Variants in HERC1 observed in about 807,000 individuals in gnomAD.
HERC1 encodes probable E3 ubiquitin-protein ligase HERC1.
HERC1 carries 160 observed loss-of-function variants against 554.3 expected under a neutral mutation model. That is an observed-to-expected ratio of 0.29 (90% confidence interval 0.25 to 0.33). The LOEUF is 0.33. HERC1 is among the 10% of genes least tolerant of loss of function. HERC1 has a pLI of 1.00. For synonymous variants in HERC1, 2,175 were observed against 2,131.7 expected, an observed-to-expected ratio of 1.02 and a Z score of -0.56; for missense variants, 4,919 against 5,918.5, an observed-to-expected ratio of 0.83 and a Z score of 5.54.
intron 36 of HERC1, among the ~76,000 whole-genome samples, chr15:63,678,925 G>C (rs751232028): frequency 6.6e-6 from 1 of 152,092 alleles, no homozygotes; most frequent in African/African-American, 2.4e-5. Flanking sequence ...ACTAATAATA[G>C]CATCTGTCTC....
chr15:63,774,758 C>T lies in HERC1; in HGVS notation c.866G>A (p.Ser289Asn), dbSNP rs1264762849. The T allele has an allele frequency of 6.2e-7, 1 of 1,613,960 alleles. No homozygotes were observed. The highest frequency in any genetic ancestry group is 1.3e-5 in the African/African-American group (1 of 75,046). ...GTCAAAGCTGATCATTCCTTCCTGG[C>T]TTGAGAGTAGTTTGCCTTTCTCCAT... is the stretch of plus-strand genomic sequence containing the variant. Reference protein sequence around the residue: ...HTMEKGKLLSSQEGMISFDCF... With the variant: ...HTMEKGKLLSNQEGMISFDCF... The change falls in exon 2 of 78, where the codon AGC becomes AAC. Residue 289 changes from serine to asparagine, a missense_variant. Transcript: ENST00000443617.
intron 74 of HERC1, 94 bp from the exon 75 acceptor site, chr15:63,616,776 T>C: frequency 1.8e-6 from 2 of 1,094,984 alleles, no homozygotes; most frequent in Non-Finnish European, 2.7e-6. Context: ...TCTATACCTG[T>C]ACTGTTCAAT....
rs1008671202 is a variant in HERC1, at chr15:63,651,290, G to A, written c.10509C>T (p.Gly3503=). ...SWSISGKYLA[G]ALEKMVNIWQ... ...AGATATTCACCATCTTTTCCAAAGC[G>A]CCTGCTAGATATTTGCCACTGATAC... Residue 3503 remains glycine (G), a synonymous_variant, in exon 53 of 78, where the codon GGC becomes GGT. Coordinates refer to ENST00000443617, the MANE Select transcript of HERC1 (RefSeq NM_003922.4). The A allele has an allele frequency of 2.9e-5, 47 of 1,613,614 alleles. No homozygotes were observed. Among genetic ancestry groups the A allele is most frequent in the Non-Finnish European group, 3.3e-5 (39 of 1,179,720 alleles).
Position 63,674,939 on chromosome 15 carries a change from T to C in HERC1, c.7249A>G (p.Lys2417Glu), listed in dbSNP as rs1595944784. Residue 2417 changes from lysine to glutamate, a missense_variant, in exon 38 of 78, where the codon AAA becomes GAA. Transcript: ENST00000443617. ...TTCTCCTCGGATTCATGTCGGTGTT[T>C]CTTTTCATGTCGTTTGGTGCTCTGT... is the stretch of plus-strand genomic sequence containing the variant. Reference protein sequence around the residue: ...GKQSTKRHEKKHRHESEEKGD... With the variant: ...GKQSTKRHEKEHRHESEEKGD... The C allele has an allele frequency of 1.2e-6, 2 of 1,614,058 alleles. No individual in the cohort carries two copies. The highest frequency in any genetic ancestry group is 4.5e-5 in the East Asian group (2 of 44,892).
chr15:63,628,760 T>C lies in HERC1; in HGVS notation c.13022A>G (p.Gln4341Arg). Reference sequence around the variant, plus strand: ...CGAGATCTGCCGAACATTTTTCCCTTGCAGACCTGTTACCAGGGTTGGTTC... The same window carrying C: ...CGAGATCTGCCGAACATTTTTCCCTCGCAGACCTGTTACCAGGGTTGGTTC... ...VREPTLVTGL[Q>R]GKNVRQISAG... is the part of the protein sequence containing the mutation. Residue 4341 changes from glutamine (Q) to arginine (R), a missense_variant, in exon 70 of 78, where the codon CAA becomes CGA. Transcript: ENST00000443617. 3 of 1,614,016 alleles carry C rather than the reference T, an allele frequency of 1.9e-6. No homozygotes were observed. Among genetic ancestry groups the C allele is most frequent in the Non-Finnish European group, 2.5e-6 (3 of 1,179,884 alleles).
chr15:63,693,560 T>A (rs986994273), intron 30 of HERC1, among the ~76,000 whole-genome samples: 9 of 151,988 alleles, frequency 5.9e-5, no homozygotes, highest in Admixed American at 2.0e-4. Context: ...ACAATTTAGG[T>A]CAGGACTTAG....
At position 63,660,958 on chromosome 15, in the gene HERC1, C is replaced by T. The variant is rs747609203; in HGVS notation, c.9223+15G>A. On this transcript the variant is annotated intron_variant, in intron 46 of 77. Coordinates refer to ENST00000443617, the MANE Select transcript of HERC1 (RefSeq NM_003922.4). Reference sequence around the variant, plus strand: ...AAAAAACATGTAAAATAAAGAAGCTCTCAAAACAAACTACCTTCATACACA... The same window carrying T: ...AAAAAACATGTAAAATAAAGAAGCTTTCAAAACAAACTACCTTCATACACA... 1.3e-6 allele frequency: 2 copies of T among 1,568,642 alleles called. No individual in the cohort carries two copies. Among genetic ancestry groups the T allele is most frequent in the Non-Finnish European group, 1.8e-6 (2 of 1,139,252 alleles).
At chr15:63,787,101 C>A (rs2076479105) in intron 1 of HERC1, among the ~76,000 whole-genome samples, 1 of 151,964 alleles carries the variant, frequency 6.6e-6, no homozygotes, top group South Asian at 2.1e-4. Flanking sequence ...CTCAGCCTCA[C>A]AAAGTGCTGG....
At chr15:63,675,746 G>A (rs2071166053) in intron 37 of HERC1, among the ~76,000 whole-genome samples, 1 of 152,058 alleles carries the variant, frequency 6.6e-6, no homozygotes, top group Non-Finnish European at 1.5e-5. Flanking sequence ...GTTTAAGAAT[G>A]ATATAATTAT....
chr15:63,731,307 A>C (rs1332496366), intron 14 of HERC1, among the ~76,000 whole-genome samples: 1 of 152,222 alleles, frequency 6.6e-6, no homozygotes. Flanking sequence ...CTAAGTTGTT[A>C]ATTAGGACCA....
In HERC1 at chr15:63,669,566, G is replaced by T; in HGVS notation, c.8178C>A (p.Ser2726=). Residue 2726 remains serine, a synonymous_variant, in exon 40 of 78, where the codon TCC becomes TCA. Transcript: ENST00000443617. ...GRRQSLTSPD[S]QSARPANRTA... is the part of the protein sequence containing the mutation. ...TGCGGTTAGCTGGCCTTGCTGACTG[G>T]GAATCAGGAGAAGTTAAACTTTGCC... 1.9e-6 allele frequency: 3 copies of T among 1,613,796 alleles called. No individual in the cohort carries two copies. Among genetic ancestry groups the T allele is most frequent in the Non-Finnish European group, 1.7e-6 (2 of 1,179,730 alleles).
In HERC1 at chr15:63,609,284, G is replaced by C. The variant is rs1457088023; in HGVS notation, c.14401-18C>G. 4 of 1,591,738 alleles carry C rather than the reference G, an allele frequency of 2.5e-6. No individual in the cohort carries two copies. The South Asian group carries it at 3.4e-5, about 14-fold the overall frequency. ...TCGTAAGGCTGTGGAGAGAGACCCA[G>C]AGCCGTGACTGGGGACATCAGAGTG... On this transcript the variant is annotated intron_variant, in intron 77 of 77. Coordinates refer to ENST00000443617, the MANE Select transcript of HERC1 (RefSeq NM_003922.4).
chr15:63,734,532 C>A lies in HERC1; in HGVS notation c.2646+192G>T. 2.5e-6 allele frequency: 1 copy of A among 399,600 alleles called. No individual in the cohort carries two copies. The highest frequency in any genetic ancestry group is 4.4e-6 in the Non-Finnish European group (1 of 226,576). The allele number at this position is 399,600 out of a possible 1,614,324, so 24.8% of individuals were successfully genotyped here. On this transcript the variant is annotated intron_variant, in intron 13 of 77. Transcript: ENST00000443617. The surrounding 1 kb of genome is among the most constrained non-coding windows in gnomAD (Gnocchi z 4.6). ...TAGTCCTTATTTTAATAATTAGCCC[C>A]AAATAACTTAATAAATTATCACTTG...
intron 68 of HERC1, 56 bp downstream of exon 68, chr15:63,632,653 A>C: frequency 1.8e-6 from 2 of 1,112,734 alleles, no homozygotes; most frequent in Non-Finnish European, 2.7e-6. Flanking sequence ...GTAACACTGG[A>C]AGGCCAATGT....
chr15:63,610,638 C>T (rs554216442), intron 77 of HERC1, among the ~76,000 whole-genome samples: 10 of 152,330 alleles, frequency 6.6e-5, no homozygotes, highest in East Asian at 3.9e-4. Flanking sequence ...CCTTCCTGCA[C>T]GTGGCTTCTC....
intron 1 of HERC1, among the ~76,000 whole-genome samples, chr15:63,782,406 C>T (rs2076314349): frequency 6.6e-6 from 1 of 152,182 alleles, no homozygotes; most frequent in African/African-American, 2.4e-5. Flanking sequence ...AACAACGAAG[C>T]CTGGATGACA....
chr15:63,669,529 C>T lies in HERC1; in HGVS notation c.8206+9G>A, dbSNP rs1243553715. 1.2e-6 allele frequency: 2 copies of T among 1,613,376 alleles called. No individual in the cohort carries two copies. The highest frequency in any genetic ancestry group is 1.7e-5 in the Admixed American group (1 of 60,012). On this transcript the variant is annotated intron_variant, in intron 40 of 77. Transcript: ENST00000443617. Reference sequence around the variant, plus strand: ...CTTTGGATATCATAGTGCATATCAGCACACGCACCTGTGCGGTTAGCTGGC... The same window carrying T: ...CTTTGGATATCATAGTGCATATCAGTACACGCACCTGTGCGGTTAGCTGGC...
intron 1 of HERC1, among the ~76,000 whole-genome samples, chr15:63,799,344 T>A (rs974939291): frequency 1.3e-5 from 2 of 151,470 alleles, no homozygotes; most frequent in African/African-American, 4.8e-5. Flanking sequence ...CTCCAAAAAT[T>A]AAAAAATTAG....
At chr15:63,616,049 AG>A (rs1314702551) in intron 75 of HERC1, 129 bp from the exon 76 acceptor site, 1 of 759,994 alleles carries the variant, frequency 1.3e-6, no homozygotes, top group East Asian at 2.7e-5. Flanking sequence ...AACACAAAAC[AG>A]GTAGGACTGA....
Sources: allele counts gnomAD v4.1 joint callset (sites outside exome capture counted in the v4.1 genomes callset), GRCh38; gene constraint gnomAD v4.1.1; non-coding constraint Gnocchi (gnomAD v3.1); transcripts MANE v1.5; gene names NCBI Gene and HGNC (gene_info 2026-07-23, HGNC 2026-07-21).